The following TTBK2 variants were observed in gnomAD, a reference collection of about 807,000 sequenced individuals.
The protein encoded by TTBK2 is tau tubulin kinase 2, also known as tau-tubulin kinase 2.
Under a neutral mutation model 110.8 loss-of-function variants are expected in TTBK2, and 28 were observed. The observed-to-expected ratio is 0.25, with a 90% CI of 0.19 to 0.35. The LOEUF (loss-of-function observed/expected upper bound fraction) is 0.35, where lower values mean the gene tolerates loss of function less well. Ranked by LOEUF, TTBK2 falls within the 10% of genes least tolerant of loss-of-function variation. The probability of loss-of-function intolerance (pLI) is 1.00; values close to 1 mark genes in which losing one functional copy is unlikely to be tolerated. For synonymous variants in TTBK2, 532 were observed against 527.3 expected, an observed-to-expected ratio of 1.01 and a Z score of -0.12; for missense variants, 1,369 against 1,500.3, an observed-to-expected ratio of 0.91 and a Z score of 1.45.
intron 3 of TTBK2, among the ~76,000 whole-genome samples, chr15:42,859,909 A>G (rs1894087772): frequency 6.6e-6 from 1 of 152,160 alleles, no homozygotes. Flanking sequence ...AGAAAACACT[A>G]AAGATCAAGA....
intron 4 of TTBK2, among the ~76,000 whole-genome samples, chr15:42,838,935 G>T (rs1893106991): frequency 6.6e-6 from 1 of 152,066 alleles, no homozygotes; most frequent in South Asian, 2.1e-4. Context: ...ACTTGCTATG[G>T]TTTTTTTCTT....
At chr15:42,910,350 A>T (rs1446137620) in intron 1 of TTBK2, among the ~76,000 whole-genome samples, 2 of 152,158 alleles carry the variant, frequency 1.3e-5, no homozygotes, top group Admixed American at 6.5e-5. Flanking sequence ...CCTTAGAAGC[A>T]CGCACACAAT....
At chr15:42,787,668 A>G (rs896891295) in intron 10 of TTBK2, among the ~76,000 whole-genome samples, 2 of 152,250 alleles carry the variant, frequency 1.3e-5, no homozygotes, top group African/African-American at 2.4e-5. Context: ...GTAATGAGAC[A>G]TACTGACATT....
intron 3 of TTBK2, among the ~76,000 whole-genome samples, chr15:42,866,119 T>G (rs1894362322): frequency 1.3e-5 from 2 of 152,244 alleles, no homozygotes; most frequent in South Asian, 4.1e-4. Context: ...GCAGGCTGTA[T>G]GTCAAGAAAA....
At chr15:42,891,624 A>C (rs984756745) in intron 1 of TTBK2, among the ~76,000 whole-genome samples, 3 of 152,132 alleles carry the variant, frequency 2.0e-5, no homozygotes, top group Non-Finnish European at 2.9e-5. Context: ...CTGGCTCCAC[A>C]AGTAGAGAAG....
At chr15:42,905,922 CTCACACCTGTAATCCCAGCACTT>C (rs1567088257) in intron 1 of TTBK2, among the ~76,000 whole-genome samples, 3 of 152,176 alleles carry the variant, frequency 2.0e-5, no homozygotes, top group African/African-American at 7.2e-5. Context: ...GGCATGGTGG[CTCACACCTGTAATCCCAGCACTT>C]TGGGAGGCCA....
intron 9 of TTBK2, among the ~76,000 whole-genome samples, chr15:42,805,951 A>G (rs1331101661): frequency 6.6e-6 from 1 of 152,220 alleles, no homozygotes; most frequent in Non-Finnish European, 1.5e-5. Flanking sequence ...TATGATCAAG[A>G]ACCTTTATTG....
chr15:42,913,499 G>A (rs1389418747), intron 1 of TTBK2, among the ~76,000 whole-genome samples: 2 of 151,860 alleles, frequency 1.3e-5, no homozygotes, highest in East Asian at 2.0e-4. Context: ...TTAGCCAGGC[G>A]TGGTGGTGGG....
At chr15:42,782,545 C>T (rs1353082062) in intron 11 of TTBK2, among the ~76,000 whole-genome samples, 1 of 152,202 alleles carries the variant, frequency 6.6e-6, no homozygotes, top group Non-Finnish European at 1.5e-5. Flanking sequence ...AGACCGTAAG[C>T]TCCTTAAAGG....
At chr15:42,815,954 A>ATATAT (rs1393860735) in intron 7 of TTBK2, among the ~76,000 whole-genome samples, 7,855 of 53,080 alleles carry the variant, frequency 0.15, 594 homozygotes, top group African/African-American at 0.28. Context: ...ATATTTAAAA[A>ATATAT]AAAAATATAT....
In TTBK2 at chr15:42,815,112, C is replaced by A. The variant is rs999055329; in HGVS notation, c.603+1920G>T. Among the ~76,000 whole-genome samples, 7 of 151,902 alleles carry A rather than the reference C, an allele frequency of 4.6e-5. 1 individual carries two copies. In the East Asian group the frequency reaches 1.2e-3, roughly 25 times the overall value. On this transcript the variant is annotated intron_variant, in intron 7 of 14. Transcript: ENST00000267890. ...TGACATAATTCTTTAATAAAATTAA[C>A]TGGAAAACCTAGTATTTCTAAACTT...
intron 3 of TTBK2, chr15:42,857,342 C>T (rs1893983379): frequency 6.6e-6 from 1 of 151,860 alleles, no homozygotes; most frequent in Non-Finnish European, 1.5e-5. Flanking sequence ...ATAGCAAAAC[C>T]CCATATCTAC....
chr15:42,896,345 G>GTAA lies in TTBK2; in HGVS notation c.-67-17664_-67-17662dup, dbSNP rs1262859446. The stretch of plus-strand genomic sequence containing the variant: ...CTGTCTCAAAACAATAATAATAATA[G>GTAA]TAATAATAATAATACAGAAAAGATA... On this transcript the variant is annotated intron_variant, in intron 1 of 14. Transcript: ENST00000267890. Among the ~76,000 whole-genome samples the GTAA allele has an allele frequency of 4.0e-5, 6 of 151,898 alleles. No individual in the cohort carries two copies. The South Asian group carries it at 1.0e-3, about 26-fold the overall frequency.
chr15:42,854,390 C>T (rs1298637282), intron 3 of TTBK2, among the ~76,000 whole-genome samples: 1 of 152,172 alleles, frequency 6.6e-6, no homozygotes, highest in Non-Finnish European at 1.5e-5. Flanking sequence ...ACAGCAAGTC[C>T]TCATTTAATG....
intron 3 of TTBK2, among the ~76,000 whole-genome samples, chr15:42,853,926 G>C (rs1255026007): frequency 6.7e-6 from 1 of 150,130 alleles, no homozygotes; most frequent in East Asian, 1.9e-4. Flanking sequence ...CAGATCTACA[G>C]AATATTTTTT....
intron 3 of TTBK2, among the ~76,000 whole-genome samples, chr15:42,853,618 A>G (rs541973670): frequency 6.6e-6 from 1 of 152,372 alleles, no homozygotes; most frequent in South Asian, 2.1e-4. Context: ...CACTCGCAGC[A>G]TAAAGAGCTA....
At chr15:42,837,141 C>T (rs781163880) in intron 4 of TTBK2, among the ~76,000 whole-genome samples, 5 of 152,018 alleles carry the variant, frequency 3.3e-5, no homozygotes, top group Non-Finnish European at 7.4e-5. Flanking sequence ...GGGCAGATCA[C>T]CTTAGGTCAG....
At chr15:42,898,074 C>T (rs1341484205) in intron 1 of TTBK2, among the ~76,000 whole-genome samples, 4 of 151,994 alleles carry the variant, frequency 2.6e-5, no homozygotes, top group Non-Finnish European at 5.9e-5. Context: ...GCCTGTTGTC[C>T]CAGCTACTTA....
chr15:42,902,111 G>A (rs2030065831), intron 1 of TTBK2, among the ~76,000 whole-genome samples: 1 of 151,826 alleles, frequency 6.6e-6, no homozygotes, highest in Non-Finnish European at 1.5e-5. Flanking sequence ...AGCTACTAGG[G>A]AGGCTGAGGC....
Sources: gnomAD v4.1 joint callset for allele counts (sites outside exome capture counted in the v4.1 genomes callset) on GRCh38, gnomAD v4.1.1 for gene constraint, MANE v1.5 for transcripts, NCBI Gene and HGNC (gene_info 2026-07-23, HGNC 2026-07-21) for gene names.